Variants in MTSS1 observed in about 807,000 individuals in gnomAD.
MTSS1 encodes MTSS I-BAR domain containing 1.
Under a neutral mutation model 79.0 loss-of-function variants are expected in MTSS1, and 18 were observed. The ratio of observed to expected loss-of-function variants is 0.23; its 90% CI spans 0.16 to 0.34. MTSS1 has a LOEUF of 0.34. MTSS1 is among the 10% of genes least tolerant of loss of function. The pLI, the probability that MTSS1 is intolerant of heterozygous loss-of-function variation, is 1.00. For missense variants in MTSS1, 815 were observed against 986.2 expected (o/e 0.83, Z 2.33); for synonymous variants, 341 against 368.6 (o/e 0.93, Z 0.86).
chr8:124,709,485 C>G (rs948164052), intron 1 of MTSS1, among the ~76,000 whole-genome samples: 2 of 152,228 alleles, frequency 1.3e-5, no homozygotes, highest in Non-Finnish European at 2.9e-5. Flanking sequence ...TCCCGCCACG[C>G]CCCGGCTTCT....
Position 124,552,800 on chromosome 8 carries a change from T to G in MTSS1, c.*192A>C. On this transcript the variant is annotated 3_prime_UTR_variant, in exon 14 of 14. Coordinates refer to ENST00000518547, the MANE Select transcript of MTSS1 (RefSeq NM_014751.6). ...AAGAAAATTGTCAATATTTACAAAT[T>G]AAAAGATCAAGATTATGTCAGTTAC... The G allele has an allele frequency of 2.0e-6, 1 of 509,218 alleles. No individual in the cohort carries two copies. The highest frequency in any genetic ancestry group is 4.3e-5 in the South Asian group (1 of 23,362). 31.5% of individuals were successfully genotyped at this position (509,218 alleles called of 1,614,324 possible). A position where few individuals can be genotyped will look rare whatever the true frequency, so the allele number is the denominator to read the frequency against.
chr8:124,568,269 A>G (rs2132090258), intron 7 of MTSS1, 110 bp downstream of exon 7: 1 of 1,310,938 alleles, frequency 7.6e-7, no homozygotes, highest in South Asian at 1.4e-5. Context: ...TACCACCATC[A>G]TGATTCCTGA....
At chr8:124,572,748 T>C (rs955941377) in intron 6 of MTSS1, among the ~76,000 whole-genome samples, 11 of 147,476 alleles carry the variant, frequency 7.5e-5, no homozygotes, top group African/African-American at 1.3e-4. Context: ...CTTTTCTTTT[T>C]TTTTTTTTTT....
chr8:124,631,756 G>C (rs981432328), intron 3 of MTSS1, among the ~76,000 whole-genome samples: 1 of 152,162 alleles, frequency 6.6e-6, no homozygotes. Context: ...CTCCTACAGC[G>C]GGTCTGATCC....
chr8:124,664,346 T>C (rs1822655220), intron 3 of MTSS1, among the ~76,000 whole-genome samples: 1 of 152,228 alleles, frequency 6.6e-6, no homozygotes, highest in South Asian at 2.1e-4. Context: ...TAAATGCTCC[T>C]CTACCACAGT....
intron 3 of MTSS1, among the ~76,000 whole-genome samples, chr8:124,635,688 T>C (rs1816845700): frequency 6.6e-6 from 1 of 152,206 alleles, no homozygotes; most frequent in African/African-American, 2.4e-5. Flanking sequence ...TCCATAGCAC[T>C]GCAAGATCTA....
intron 3 of MTSS1, among the ~76,000 whole-genome samples, chr8:124,591,787 CT>C (rs1036980446): frequency 2.8e-4 from 41 of 146,600 alleles, no homozygotes; most frequent in South Asian, 6.5e-4. Context: ...GGTAATAGGA[CT>C]TTTTTTTTTT....
rs77199548 is a variant in MTSS1 at position 124,683,864 on chromosome 8, G to A, written c.208+15662C>T. 1.3e-3 allele frequency among the ~76,000 whole-genome samples: 205 copies of A among 152,202 alleles called. 1 individual carries two copies. Among genetic ancestry groups the A allele is most frequent in the African/African-American group, 3.7e-3 (153 of 41,520 alleles). ...GATGGTGGTGAGGCCATAACAAGCCGGTACCCACATGCGGTGGGGGCTCTG... is the reference window on the plus strand; with the variant it reads ...GATGGTGGTGAGGCCATAACAAGCCAGTACCCACATGCGGTGGGGGCTCTG... On this transcript the variant is annotated intron_variant, in intron 3 of 13. Coordinates refer to ENST00000518547, the MANE Select transcript of MTSS1 (RefSeq NM_014751.6). The surrounding 1 kb of genome is among the most constrained non-coding windows in gnomAD (Gnocchi z 4.5).
At chr8:124,624,498 G>A (rs1814263683) in intron 3 of MTSS1, among the ~76,000 whole-genome samples, 2 of 152,196 alleles carry the variant, frequency 1.3e-5, no homozygotes, top group African/African-American at 2.4e-5. Flanking sequence ...CACAGGGGCA[G>A]TGTCTATTCA....
rs912999734 is a variant in MTSS1, at chr8:124,620,334, T to C, written c.209-29099A>G. 3.3e-5 allele frequency among the ~76,000 whole-genome samples: 5 copies of C among 152,212 alleles called. No homozygotes were observed. In the South Asian group the frequency reaches 1.0e-3, roughly 32 times the overall value. On this transcript the variant is annotated intron_variant, in intron 3 of 13. Coordinates refer to ENST00000518547, the MANE Select transcript of MTSS1 (RefSeq NM_014751.6). ...AAGAAAGTTAGCAGTTGGGGCTTCATACCCAAACTTGGGCATTTTTGTCTG... is the reference window on the plus strand; with the variant it reads ...AAGAAAGTTAGCAGTTGGGGCTTCACACCCAAACTTGGGCATTTTTGTCTG...
chr8:124,686,117 T>C (rs1826926544), intron 3 of MTSS1, among the ~76,000 whole-genome samples: 1 of 152,140 alleles, frequency 6.6e-6, no homozygotes, highest in African/African-American at 2.4e-5. Context: ...GACCTGACTG[T>C]CATCTCATAG....
chr8:124,723,441 A>T (rs1377218969), intron 1 of MTSS1, among the ~76,000 whole-genome samples: 1 of 152,214 alleles, frequency 6.6e-6, no homozygotes, highest in African/African-American at 2.4e-5. Flanking sequence ...TCAGAACATA[A>T]AGGTTCACAG....
chr8:124,625,251 G>A (rs1017648751), intron 3 of MTSS1, among the ~76,000 whole-genome samples: 41 of 152,188 alleles, frequency 2.7e-4, no homozygotes, highest in African/African-American at 9.7e-4. Flanking sequence ...GGGCTCATCT[G>A]TAAAATGGAA....
At chr8:124,617,153 T>C (rs961469471) in intron 3 of MTSS1, among the ~76,000 whole-genome samples, 1 of 152,232 alleles carries the variant, frequency 6.6e-6, no homozygotes, top group Non-Finnish European at 1.5e-5. Context: ...CCATGCCTAA[T>C]GTTTTTTCCA....
intron 3 of MTSS1, among the ~76,000 whole-genome samples, chr8:124,630,282 T>A (rs1229362543): frequency 6.7e-6 from 1 of 148,974 alleles, no homozygotes; most frequent in East Asian, 2.0e-4. Flanking sequence ...CCACATCTTT[T>A]GGCAAGCCAT....
intron 3 of MTSS1, among the ~76,000 whole-genome samples, chr8:124,611,972 A>G (rs1292490402): frequency 6.6e-6 from 1 of 152,220 alleles, no homozygotes; most frequent in Non-Finnish European, 1.5e-5. Flanking sequence ...GGCTCACAGA[A>G]CGCCAGAATG....
chr8:124,630,543 C>T (rs939882479), intron 3 of MTSS1, among the ~76,000 whole-genome samples: 2 of 152,214 alleles, frequency 1.3e-5, no homozygotes, highest in Non-Finnish European at 2.9e-5. Context: ...ACATTTTTAA[C>T]AAGGCTCCAG....
intron 3 of MTSS1, among the ~76,000 whole-genome samples, chr8:124,641,084 G>A (rs1279780095): frequency 3.3e-5 from 5 of 151,924 alleles, no homozygotes; most frequent in Admixed American, 1.3e-4. Context: ...AAGTCTGGGG[G>A]AAAACCCGCA....
chr8:124,726,059 G>C (rs1025832315), intron 1 of MTSS1, among the ~76,000 whole-genome samples: 1 of 152,112 alleles, frequency 6.6e-6, no homozygotes, highest in Non-Finnish European at 1.5e-5. Context: ...ACCGAAAGAA[G>C]TCAGGATACA....
Sources: gnomAD v4.1 joint callset for allele counts (sites outside exome capture counted in the v4.1 genomes callset) on GRCh38, gnomAD v4.1.1 for gene constraint, Gnocchi (gnomAD v3.1) non-coding constraint, MANE v1.5 for transcripts, NCBI Gene and HGNC (gene_info 2026-07-23, HGNC 2026-07-21) for gene names.